SLC30A6: variants seen among roughly 807,000 people sequenced by gnomAD.
SLC30A6 encodes zinc transporter 6.
In SLC30A6, 55 loss-of-function variants were observed where a neutral mutation model predicts 63.0. The observed-to-expected ratio is 0.87, with a 90% CI of 0.70 to 1.09. SLC30A6 has a LOEUF of 1.09. SLC30A6 is among the 50% of genes least tolerant of loss of function. The probability of loss-of-function intolerance (pLI) is 0.00; values close to 1 mark genes in which losing one functional copy is unlikely to be tolerated. For missense variants in SLC30A6, 587 were observed against 549.2 expected, an observed-to-expected ratio of 1.07 and a Z score of -0.69; for synonymous variants, 224 against 186.1, an observed-to-expected ratio of 1.20 and a Z score of -1.66.
At position 32,207,859 on chromosome 2, in the gene SLC30A6, C is replaced by T. The variant is rs191598851; in HGVS notation, c.816+926C>T. Among the ~76,000 whole-genome samples, 488 of 151,210 alleles carry T rather than the reference C, an allele frequency of 3.2e-3. 8 individuals carry two copies. The highest frequency in any genetic ancestry group is 0.011 in the African/African-American group (460 of 41,130). On this transcript the variant is annotated intron_variant, in intron 12 of 13. Transcript: ENST00000282587. Reference sequence around the variant, plus strand: ...GGGATTATAGGCGCCCACCACATGCCTGGCTAATTTTTGTATTTTTAGTAG... The same window carrying T: ...GGGATTATAGGCGCCCACCACATGCTTGGCTAATTTTTGTATTTTTAGTAG...
intron 12 of SLC30A6, among the ~76,000 whole-genome samples, chr2:32,207,925 C>G (rs868422212): frequency 6.6e-6 from 1 of 151,688 alleles, no homozygotes; most frequent in South Asian, 2.1e-4. Context: ...GTCTTGAACT[C>G]CTGACCTCGT....
At chr2:32,187,336 G>T in intron 5 of SLC30A6, 1 of 435,410 alleles carries the variant, frequency 2.3e-6, no homozygotes. Context: ...GAGTATTTCT[G>T]GAAAATAAAT....
chr2:32,212,218 T>C (rs545602735), intron 13 of SLC30A6, among the ~76,000 whole-genome samples: 16 of 152,176 alleles, frequency 1.1e-4, no homozygotes, highest in Admixed American at 5.2e-4. Context: ...TCTTTTTTTC[T>C]TGTATTACAA....
intron 2 of SLC30A6, among the ~76,000 whole-genome samples, chr2:32,173,344 C>T (rs1002105719): frequency 1.3e-5 from 2 of 151,334 alleles, no homozygotes; most frequent in African/African-American, 4.9e-5. Flanking sequence ...TCTCACCTTA[C>T]TTGGTTGATG....
chr2:32,214,512 A>G (rs1310385179), intron 13 of SLC30A6: 1 of 152,124 alleles, frequency 6.6e-6, no homozygotes, highest in Non-Finnish European at 1.5e-5. Context: ...GGCCATACTA[A>G]TCTTCTCTGT....
chr2:32,169,727 A>G (rs547264145), intron 1 of SLC30A6, among the ~76,000 whole-genome samples: 184 of 152,320 alleles, frequency 1.2e-3, no homozygotes, highest in African/African-American at 4.2e-3. Flanking sequence ...CGTGTAGCCT[A>G]TATTTAAAAT....
Position 32,209,569 on chromosome 2 carries a change from C to G in SLC30A6, c.885+8C>G, listed in dbSNP as rs756885788. The G allele has an allele frequency of 6.3e-7, 1 of 1,592,620 alleles. No individual in the cohort carries two copies. The highest frequency in any genetic ancestry group is 1.4e-5 in the African/African-American group (1 of 73,748). On this transcript the variant is annotated splice_region_variant and intron_variant, in intron 13 of 13. Coordinates refer to ENST00000282587, the MANE Select transcript of SLC30A6 (RefSeq NM_017964.5). ...CTAGGTTTTGGCTCATTGGTATGTT[C>G]TTTTACATATGACTTTAGTTATAAT...
intron 13 of SLC30A6, among the ~76,000 whole-genome samples, chr2:32,211,166 G>A (rs145648917): frequency 2.2e-4 from 33 of 152,314 alleles, no homozygotes; most frequent in African/African-American, 7.2e-4. Flanking sequence ...CTCCTCGACT[G>A]TACACCATGG....
At chr2:32,186,001 G>C (rs1043948873) in intron 5 of SLC30A6, among the ~76,000 whole-genome samples, 1 of 151,620 alleles carries the variant, frequency 6.6e-6, no homozygotes, top group African/African-American at 2.4e-5. Flanking sequence ...AAAGTGCTGG[G>C]ATTACAGGTG....
Position 32,197,351 on chromosome 2 carries a change from TAC to T in SLC30A6, c.505_506del (p.Thr169GlufsTer11). The stretch of plus-strand genomic sequence containing the variant: ...AGTATTTTCTTCTTAAAGCTGCTAG[TAC>T]GAGCTGGCTTCAAGAGCATGTTGCA... Reference protein sequence around the residue: ...PFAYVSEAASTSWLQEHVADL... With the variant: ...PFAYVSEAASXSWLQEHVADL... On this transcript the variant is annotated frameshift_variant, in exon 9 of 14. Coordinates refer to ENST00000282587, the MANE Select transcript of SLC30A6 (RefSeq NM_017964.5). LOFTEE classifies it high-confidence loss of function. 1 of 1,613,588 alleles carries T rather than the reference TAC, an allele frequency of 6.2e-7. No homozygotes were observed. The highest frequency in any genetic ancestry group is 8.5e-7 in the Non-Finnish European group (1 of 1,179,724).
chr2:32,186,240 G>T (rs949389604), intron 5 of SLC30A6, among the ~76,000 whole-genome samples: 2 of 152,166 alleles, frequency 1.3e-5, no homozygotes, highest in Admixed American at 6.5e-5. Flanking sequence ...TCGCCATGTT[G>T]GTCAACCTGG....
chr2:32,216,689 T>G (rs940240453), intron 13 of SLC30A6, among the ~76,000 whole-genome samples: 7 of 152,102 alleles, frequency 4.6e-5, no homozygotes, highest in African/African-American at 9.7e-5. Flanking sequence ...TTTTCATGCT[T>G]CTTGGCCACT....
intron 13 of SLC30A6, among the ~76,000 whole-genome samples, chr2:32,218,383 A>G (rs904305628): frequency 2.6e-5 from 4 of 152,226 alleles, no homozygotes; most frequent in African/African-American, 4.8e-5. Flanking sequence ...AAGCCTTGAT[A>G]TCATCTTTGA....
chr2:32,194,919 ACACTGTTTCCCTGTAAAGAT>A (rs1573340639), intron 8 of SLC30A6, among the ~76,000 whole-genome samples: 1 of 152,174 alleles, frequency 6.6e-6, no homozygotes, highest in East Asian at 1.9e-4. Flanking sequence ...AGATTTAGAA[ACACTGTTTCCCTGTAAAGAT>A]CAGGGAGATA....
intron 4 of SLC30A6, among the ~76,000 whole-genome samples, chr2:32,180,862 TA>T (rs1682247426): frequency 6.6e-6 from 1 of 152,358 alleles, no homozygotes; most frequent in Non-Finnish European, 1.5e-5. Context: ...CCTTATGTCT[TA>T]AGGTTCATAA....
At chr2:32,189,510 T>C (rs1255046493) in intron 5 of SLC30A6, among the ~76,000 whole-genome samples, 1 of 151,016 alleles carries the variant, frequency 6.6e-6, no homozygotes, top group Non-Finnish European at 1.5e-5. Flanking sequence ...TTGGCCAGGC[T>C]GGTCTTGAAC....
At chr2:32,188,519 C>G (rs920272671) in intron 5 of SLC30A6, among the ~76,000 whole-genome samples, 3 of 151,990 alleles carry the variant, frequency 2.0e-5, no homozygotes, top group South Asian at 4.1e-4. Context: ...CATGGTGAAA[C>G]CTCATCTCTA....
At position 32,211,122 on chromosome 2, in the gene SLC30A6, G is replaced by C. The variant is rs948377832; in HGVS notation, c.885+1561G>C. On this transcript the variant is annotated intron_variant, in intron 13 of 13. Coordinates refer to ENST00000282587, the MANE Select transcript of SLC30A6 (RefSeq NM_017964.5). Reference sequence around the variant, plus strand: ...TGTTTTCCTTGGTAGGGTCTCAGATGCTCTCTAAAATCTTTGGTTCTCAGG... The same window carrying C: ...TGTTTTCCTTGGTAGGGTCTCAGATCCTCTCTAAAATCTTTGGTTCTCAGG... 6.8e-4 allele frequency among the ~76,000 whole-genome samples: 103 copies of C among 152,298 alleles called. 1 individual carries two copies. The highest frequency in any genetic ancestry group is 2.2e-3 in the African/African-American group (91 of 41,562).
Position 32,204,648 on chromosome 2 carries a change from A to G in SLC30A6, c.724A>G (p.Thr242Ala). 1 of 1,613,158 alleles carries G rather than the reference A, an allele frequency of 6.2e-7. No individual in the cohort carries two copies. Among genetic ancestry groups the G allele is most frequent in the Non-Finnish European group, 8.5e-7 (1 of 1,179,474 alleles). The change falls in exon 11 of 14, where the codon ACT becomes GCT. Residue 242 changes from threonine (T) to alanine (A), a missense_variant. Thr to Ala is a moderately conservative substitution (Grantham distance 58). Coordinates refer to ENST00000282587, the MANE Select transcript of SLC30A6 (RefSeq NM_017964.5). ...AGCTATTGCCTTGATGACATTTGGC[A>G]CTATGTATCCCATGAGTGTGTACAG... The part of the protein sequence containing the change: ...AIAIALMTFG[T>A]MYPMSVYSGK...
Sources: gnomAD v4.1 joint callset for allele counts (sites outside exome capture counted in the v4.1 genomes callset) on GRCh38, gnomAD v4.1.1 for gene constraint, MANE v1.5 for transcripts, NCBI Gene and HGNC (gene_info 2026-07-23, HGNC 2026-07-21) for gene names.